Variants in SLCO1B3 observed in about 807,000 individuals in gnomAD.
The protein encoded by SLCO1B3 is solute carrier organic anion transporter family member 1B3, also known as liver-specific organic anion transporter 2.
Under a neutral mutation model 71.8 loss-of-function variants are expected in SLCO1B3, and 72 were observed. That is an observed-to-expected ratio of 1.00 (90% CI 0.83 to 1.22). The LOEUF is 1.22. SLCO1B3 is among the 50% of genes most tolerant of loss of function. The probability of loss-of-function intolerance (pLI) is 0.00; values close to 1 mark genes in which losing one functional copy is unlikely to be tolerated. For missense variants in SLCO1B3, 911 were observed against 819.7 expected (o/e 1.11, Z -1.36); for synonymous variants, 298 against 278.4 (o/e 1.07, Z -0.70).
intron 3 of SLCO1B3, among the ~76,000 whole-genome samples, chr12:20,821,658 A>G (rs1864310343): frequency 6.6e-6 from 1 of 152,130 alleles, no homozygotes; most frequent in Admixed American, 6.6e-5. Flanking sequence ...CTCCCCCAGA[A>G]AAGCAGAGAA....
intron 8 of SLCO1B3, among the ~76,000 whole-genome samples, chr12:20,865,416 A>C (rs976026911): frequency 1.3e-5 from 2 of 152,100 alleles, no homozygotes; most frequent in African/African-American, 4.8e-5. Flanking sequence ...GAGTAATGGC[A>C]TCAGTTAAGT....
At chr12:20,902,346 C>T (rs1866146913) in intron 15 of SLCO1B3, 1 of 152,584 alleles carries the variant, frequency 6.6e-6, no homozygotes, top group Non-Finnish European at 1.5e-5. Context: ...TTTTGACCCA[C>T]TAAAAATAGC....
intron 3 of SLCO1B3, among the ~76,000 whole-genome samples, chr12:20,834,585 C>T (rs1446138739): frequency 6.6e-6 from 1 of 151,340 alleles, no homozygotes; most frequent in Non-Finnish European, 1.5e-5. Context: ...AAATTAAGCT[C>T]CATGAAAACA....
At chr12:20,859,598 A>G (rs946504392) in intron 5 of SLCO1B3, among the ~76,000 whole-genome samples, 16 of 150,812 alleles carry the variant, frequency 1.1e-4, no homozygotes, top group Non-Finnish European at 2.4e-4. Context: ...TGGCTTCATC[A>G]TGCCCATCTT....
intron 13 of SLCO1B3, among the ~76,000 whole-genome samples, chr12:20,885,461 TAAAC>T (rs1273423149): frequency 3.9e-5 from 6 of 151,952 alleles, no homozygotes; most frequent in Admixed American, 2.0e-4. Flanking sequence ...GAAGAACTAA[TAAAC>T]AAATAAGCAA....
chr12:20,853,365 G>A (rs1865060909), intron 3 of SLCO1B3, among the ~76,000 whole-genome samples: 1 of 151,838 alleles, frequency 6.6e-6, no homozygotes, highest in South Asian at 2.1e-4. Context: ...TTGGTTACTG[G>A]TTTTATCTTT....
At chr12:20,844,157 G>A (rs767577188) in intron 3 of SLCO1B3, among the ~76,000 whole-genome samples, 10 of 151,702 alleles carry the variant, frequency 6.6e-5, no homozygotes, top group East Asian at 1.9e-4. Flanking sequence ...GTGTGTGTGT[G>A]TATATATACA....
intron 13 of SLCO1B3, among the ~76,000 whole-genome samples, chr12:20,893,860 T>A (rs748366333): frequency 3.3e-5 from 5 of 152,166 alleles, no homozygotes; most frequent in African/African-American, 7.2e-5. Flanking sequence ...GATGTAAGTT[T>A]ATGACAAACA....
chr12:20,889,311 A>C (rs1470871323), intron 13 of SLCO1B3, among the ~76,000 whole-genome samples: 1 of 151,958 alleles, frequency 6.6e-6, no homozygotes, highest in Non-Finnish European at 1.5e-5. Context: ...AGAATCTGGC[A>C]GTAAGTTCAT....
chr12:20,877,244 G>T (rs1210673785), intron 9 of SLCO1B3, among the ~76,000 whole-genome samples: 1 of 69,508 alleles, frequency 1.4e-5, no homozygotes, highest in Admixed American at 1.9e-4. Flanking sequence ...TCTATATTAT[G>T]AACTGTTTTT....
intron 15 of SLCO1B3, among the ~76,000 whole-genome samples, chr12:20,909,529 T>C (rs548200562): frequency 2.7e-5 from 4 of 147,868 alleles, no homozygotes; most frequent in Admixed American, 6.8e-5. Flanking sequence ...TGGGGAGATA[T>C]ATGTTAAAGT....
chr12:20,872,714 G>A (rs1037430273), intron 8 of SLCO1B3, among the ~76,000 whole-genome samples: 3 of 152,100 alleles, frequency 2.0e-5, no homozygotes, highest in African/African-American at 7.2e-5. Flanking sequence ...GGCCCAGGAT[G>A]TGCCTAGAAA....
chr12:20,889,927 T>C (rs1865870332), intron 13 of SLCO1B3, among the ~76,000 whole-genome samples: 1 of 146,182 alleles, frequency 6.8e-6, no homozygotes, highest in Non-Finnish European at 1.5e-5. Flanking sequence ...TTTTTTTTTT[T>C]TGTTTTTGGG....
intron 3 of SLCO1B3, 114 bp downstream of exon 3, chr12:20,815,936 T>G (rs2121070886): frequency 1.9e-6 from 1 of 514,752 alleles, no homozygotes; most frequent in South Asian, 3.5e-5. Flanking sequence ...ATTTTTCCAT[T>G]GAAGCGTACA....
intron 8 of SLCO1B3, among the ~76,000 whole-genome samples, chr12:20,863,601 A>G (rs1277234247): frequency 6.6e-6 from 1 of 151,910 alleles, no homozygotes; most frequent in African/African-American, 2.4e-5. Context: ...TGGGGTTTAG[A>G]TTTCCTCTTT....
At chr12:20,829,610 A>C (rs150852622) in intron 3 of SLCO1B3, among the ~76,000 whole-genome samples, 1 of 152,358 alleles carries the variant, frequency 6.6e-6, no homozygotes, top group East Asian at 1.9e-4. Flanking sequence ...GTCCCAATCC[A>C]GACCACAAGA....
intron 13 of SLCO1B3, 73 bp downstream of exon 13, chr12:20,883,675 G>T: frequency 4.1e-6 from 4 of 982,674 alleles, no homozygotes; most frequent in South Asian, 1.7e-5. Flanking sequence ...ATATTTTTCT[G>T]TATTTTGAGC....
At chr12:20,885,274 A>C (rs1345630462) in intron 13 of SLCO1B3, among the ~76,000 whole-genome samples, 1 of 152,148 alleles carries the variant, frequency 6.6e-6, no homozygotes, top group East Asian at 1.9e-4. Context: ...TAATGCTTGC[A>C]TCATAAGGCT....
At chr12:20,844,130 G>C (rs943359681) in intron 3 of SLCO1B3, among the ~76,000 whole-genome samples, 4 of 151,466 alleles carry the variant, frequency 2.6e-5, no homozygotes, top group African/African-American at 9.7e-5. Context: ...TAGTATATAA[G>C]TTGTGTGTAT....
Sources: allele counts gnomAD v4.1 joint callset (sites outside exome capture counted in the v4.1 genomes callset), GRCh38; gene constraint gnomAD v4.1.1; transcripts MANE v1.5; gene names NCBI Gene and HGNC (gene_info 2026-07-23, HGNC 2026-07-21).